The following KIRREL1 variants were observed in gnomAD, a reference collection of about 807,000 sequenced individuals.
KIRREL1 encodes kirre like nephrin family adhesion molecule 1.
A neutral mutation model predicts 83.3 loss-of-function variants in KIRREL1; 25 were observed. That is an observed-to-expected ratio of 0.30 (90% CI 0.22 to 0.42). KIRREL1 has a LOEUF of 0.42. KIRREL1 is among the 10% of genes least tolerant of loss of function. The pLI, the probability that KIRREL1 is intolerant of heterozygous loss-of-function variation, is 1.00. For missense variants in KIRREL1, 812 were observed against 1,032.3 expected, an observed-to-expected ratio of 0.79 and a Z score of 2.92; for synonymous variants, 388 against 410.4, an observed-to-expected ratio of 0.95 and a Z score of 0.66.
chr1:158,034,386 A>C (rs1027647382), intron 1 of KIRREL1, among the ~76,000 whole-genome samples: 3 of 151,924 alleles, frequency 2.0e-5, no homozygotes, highest in African/African-American at 4.8e-5. Context: ...ATTCCATTTT[A>C]TATCCAAGTA....
At chr1:158,022,322 G>A (rs1218358466) in intron 1 of KIRREL1, among the ~76,000 whole-genome samples, 3 of 152,160 alleles carry the variant, frequency 2.0e-5, no homozygotes, top group African/African-American at 7.2e-5. Context: ...TTTAACTTGT[G>A]CTAAACACCT....
chr1:158,055,444 A>G (rs1163655070), intron 1 of KIRREL1, among the ~76,000 whole-genome samples: 1 of 152,110 alleles, frequency 6.6e-6, no homozygotes, highest in Non-Finnish European at 1.5e-5. Flanking sequence ...GGACTCGAAT[A>G]TGGGATATCT....
At chr1:158,036,930 G>GC (rs998302607) in intron 1 of KIRREL1, among the ~76,000 whole-genome samples, 1 of 152,202 alleles carries the variant, frequency 6.6e-6, no homozygotes, top group Non-Finnish European at 1.5e-5. Flanking sequence ...AGCCAGAGGA[G>GC]CCTTGGCGGG....
Position 158,089,622 on chromosome 1 carries a change from G to A in KIRREL1, c.1165G>A (p.Val389Met). The A allele has an allele frequency of 6.2e-7, 1 of 1,613,492 alleles. No homozygotes were observed. Among genetic ancestry groups the A allele is most frequent in the Non-Finnish European group, 8.5e-7 (1 of 1,179,492 alleles). Residue 389 changes from valine (V) to methionine (M), a missense_variant, in exon 9 of 15, where the codon GTG (valine) becomes ATG (methionine). Coordinates refer to ENST00000359209, the MANE Select transcript of KIRREL1 (RefSeq NM_018240.7). ...GGCTGAGCGGGAGGTGCCGCTCTATGTGAACGGTGAGTGAGTGGCCTGAGA... is the reference window on the plus strand; with the variant it reads ...GGCTGAGCGGGAGGTGCCGCTCTATATGAACGGTGAGTGAGTGGCCTGAGA... Reference protein sequence around the residue: ...GVAEREVPLYVNGPPIISSEA... With the variant: ...GVAEREVPLYMNGPPIISSEA...
chr1:158,076,180 C>A lies in KIRREL1; in HGVS notation c.120C>A (p.Leu40=), dbSNP rs1299241958. The stretch of plus-strand genomic sequence containing the variant: ...TGGTGGCTGGACAGCGGGCCGTGCT[C>A]CCCTGTGTGCTGCTCAACTACTCTG... ...QTVVAGQRAV[L]PCVLLNYSGI... is the part of the protein sequence containing the mutation. The change falls in exon 2 of 15, where the codon CTC becomes CTA. Residue 40 remains leucine (L), a synonymous_variant. Transcript: ENST00000359209. 1 of 1,614,168 alleles carries A rather than the reference C, an allele frequency of 6.2e-7. No individual in the cohort carries two copies. The highest frequency in any genetic ancestry group is 2.2e-5 in the East Asian group (1 of 44,872).
At chr1:158,057,896 T>C (rs1227287901) in intron 1 of KIRREL1, among the ~76,000 whole-genome samples, 1 of 152,214 alleles carries the variant, frequency 6.6e-6, no homozygotes, top group African/African-American at 2.4e-5. Flanking sequence ...GAAAAGGTAG[T>C]ACCTAGGGGC....
intron 3 of KIRREL1, among the ~76,000 whole-genome samples, chr1:158,080,005 A>G (rs541923320): frequency 1.4e-4 from 21 of 152,326 alleles, no homozygotes; most frequent in Non-Finnish European, 1.5e-5. Context: ...TAGGACTAAA[A>G]TGGAAAGAAT....
At position 158,079,927 on chromosome 1, in the gene KIRREL1, A is replaced by T. The variant is rs577502108; in HGVS notation, c.352+1787A>T. Reference sequence around the variant, plus strand: ...GAGGACTGGAGGGACCCAACAGCCAATTTCATTGGATGTAAAGGCCCTGAA... The same window carrying T: ...GAGGACTGGAGGGACCCAACAGCCATTTTCATTGGATGTAAAGGCCCTGAA... On this transcript the variant is annotated intron_variant, in intron 3 of 14. Transcript: ENST00000359209. 2.0e-5 allele frequency among the ~76,000 whole-genome samples: 3 copies of T among 152,344 alleles called. No homozygotes were observed. In the East Asian group the frequency reaches 5.8e-4, roughly 29 times the overall value.
intron 11 of KIRREL1, 71 bp downstream of exon 11, chr1:158,091,627 G>T (rs923414502): frequency 1.6e-5 from 23 of 1,455,084 alleles, no homozygotes; most frequent in South Asian, 1.1e-4. Context: ...TTTTCTCCAG[G>T]GGCAGGGCTC....
At chr1:158,033,029 C>T (rs919623700) in intron 1 of KIRREL1, among the ~76,000 whole-genome samples, 1 of 152,086 alleles carries the variant, frequency 6.6e-6, no homozygotes, top group Non-Finnish European at 1.5e-5. Context: ...CCTCAGCCTC[C>T]CAAAGTGCTG....
chr1:158,024,416 C>G (rs563641763), intron 1 of KIRREL1, among the ~76,000 whole-genome samples: 2 of 150,376 alleles, frequency 1.3e-5, no homozygotes, highest in Admixed American at 1.3e-4. Context: ...GTAGCTGGGA[C>G]TATAGGTGTG....
chr1:158,087,884 C>T (rs757096618), intron 6 of KIRREL1, 24 bp downstream of exon 6: 12 of 1,607,118 alleles, frequency 7.5e-6, no homozygotes, highest in South Asian at 3.3e-5. Flanking sequence ...AGGCTGGGAG[C>T]GCTCTGGGGA....
At chr1:158,086,846 C>CCTAGAGTCCCA in intron 5 of KIRREL1, 100 bp downstream of exon 5, 1 of 1,122,934 alleles carries the variant, frequency 8.9e-7, no homozygotes, top group Non-Finnish European at 1.3e-6. Context: ...TAAGAGTCCC[C>CCTAGAGTCCCA]CTATGGTCCC....
chr1:158,007,838 C>T (rs553818658), intron 1 of KIRREL1, among the ~76,000 whole-genome samples: 18 of 152,110 alleles, frequency 1.2e-4, no homozygotes, highest in Admixed American at 3.9e-4. Flanking sequence ...TCTCTGCCCC[C>T]GAGCCGGATG....
Position 158,095,208 on chromosome 1 carries a change from C to T in KIRREL1, c.*88C>T. The T allele has an allele frequency of 2.0e-6, 2 of 989,614 alleles. No individual in the cohort carries two copies. The highest frequency in any genetic ancestry group is 3.4e-5 in the South Asian group (2 of 59,682). The allele number at this position is 989,614 out of a possible 1,614,324, so 61.3% of individuals were successfully genotyped here. A position where few individuals can be genotyped will look rare whatever the true frequency, so the allele number is the denominator to read the frequency against. ...TGATATTCAGGGGCATTGCTCATTG[C>T]TCCCTTCTCGGACCAGCCTTCTTCC... On this transcript the variant is annotated 3_prime_UTR_variant, in exon 15 of 15. Transcript: ENST00000359209.
chr1:158,064,244 T>C (rs1291838013), intron 1 of KIRREL1, among the ~76,000 whole-genome samples: 2 of 152,204 alleles, frequency 1.3e-5, no homozygotes, highest in Admixed American at 6.5e-5. Context: ...TGAATCCATA[T>C]GATTATGTTC....
At chr1:158,078,958 C>T (rs558301828) in intron 3 of KIRREL1, among the ~76,000 whole-genome samples, 4 of 152,190 alleles carry the variant, frequency 2.6e-5, no homozygotes, top group South Asian at 2.1e-4. Flanking sequence ...CCCCTTGCCC[C>T]CCCTCACCCA....
In KIRREL1 at chr1:158,029,366, T is replaced by TGTGTGTGCGCGC. The variant is rs1553238087; in HGVS notation, c.52+35639_52+35640insTGTGTGCGCGCG. On this transcript the variant is annotated intron_variant, in intron 1 of 14. Coordinates refer to ENST00000359209, the MANE Select transcript of KIRREL1 (RefSeq NM_018240.7). ...GTGTGTGTGTGTGTGTGTGTGTGTG[T>TGTGTGTGCGCGC]GCACGTGCGCGCGCATGCACACATG... Among the ~76,000 whole-genome samples the TGTGTGTGCGCGC allele has an allele frequency of 3.3e-3, 491 of 149,006 alleles. 3 individuals carry two copies. Among genetic ancestry groups the TGTGTGTGCGCGC allele is most frequent in the African/African-American group, 0.012 (462 of 40,088 alleles).
intron 10 of KIRREL1, among the ~76,000 whole-genome samples, chr1:158,090,934 C>T (rs1049805731): frequency 3.9e-5 from 6 of 152,284 alleles, no homozygotes; most frequent in South Asian, 2.1e-4. Flanking sequence ...AGGAGCCCAG[C>T]GTTCTTGAGG....
Sources: allele counts gnomAD v4.1 joint callset (sites outside exome capture counted in the v4.1 genomes callset), GRCh38; gene constraint gnomAD v4.1.1; transcripts MANE v1.5; gene names NCBI Gene and HGNC (gene_info 2026-07-23, HGNC 2026-07-21).